The following SPIDR variants were observed in gnomAD, a reference collection of about 807,000 sequenced individuals.
SPIDR encodes DNA repair-scaffolding protein.
In SPIDR, 93 loss-of-function variants were observed where a neutral mutation model predicts 104.6. That is an observed-to-expected ratio of 0.89 (90% CI 0.75 to 1.06). The LOEUF is 1.06. SPIDR is among the 50% of genes least tolerant of loss of function. The pLI is 0.00. For missense variants in SPIDR, 1,154 were observed against 1,111.2 expected, an observed-to-expected ratio of 1.04 and a Z score of -0.55; for synonymous variants, 431 against 416.9, an observed-to-expected ratio of 1.03 and a Z score of -0.41.
intron 10 of SPIDR, among the ~76,000 whole-genome samples, chr8:47,661,854 G>A (rs544609128): frequency 1.3e-5 from 2 of 152,356 alleles, no homozygotes; most frequent in East Asian, 3.9e-4. Flanking sequence ...CTTGTCGATA[G>A]TGGCAGAGCT....
chr8:47,405,834 T>G (rs1554666955), intron 6 of SPIDR, among the ~76,000 whole-genome samples: 1 of 152,202 alleles, frequency 6.6e-6, no homozygotes. Flanking sequence ...GGATTGTTGA[T>G]TAGAGGACAT....
At chr8:47,300,002 A>G (rs1431126294) in intron 5 of SPIDR, among the ~76,000 whole-genome samples, 3 of 152,116 alleles carry the variant, frequency 2.0e-5, no homozygotes, top group Admixed American at 6.5e-5. Context: ...TTTTCTATTC[A>G]TTGGAATAGT....
chr8:47,544,029 C>G (rs529225498), intron 8 of SPIDR, among the ~76,000 whole-genome samples: 1 of 152,026 alleles, frequency 6.6e-6, no homozygotes, highest in East Asian at 1.9e-4. Flanking sequence ...TAACCAACCT[C>G]TTATCCTGTC....
At chr8:47,488,009 G>C (rs2077991350) in intron 8 of SPIDR, among the ~76,000 whole-genome samples, 1 of 152,054 alleles carries the variant, frequency 6.6e-6, no homozygotes, top group Non-Finnish European at 1.5e-5. Flanking sequence ...TAAGATCAGA[G>C]CAGAACTGAA....
At chr8:47,646,364 A>G (rs1329557387) in intron 10 of SPIDR, among the ~76,000 whole-genome samples, 2 of 152,038 alleles carry the variant, frequency 1.3e-5, no homozygotes, top group African/African-American at 2.4e-5. Context: ...GTATATACAG[A>G]TGTGTGTGTG....
intron 3 of SPIDR, among the ~76,000 whole-genome samples, chr8:47,286,224 C>T (rs923131345): frequency 2.6e-5 from 4 of 152,088 alleles, no homozygotes; most frequent in Admixed American, 6.5e-5. Context: ...TTGAGAGCTA[C>T]GCATAATGGT....
chr8:47,538,559 G>A (rs895804145), intron 8 of SPIDR, among the ~76,000 whole-genome samples: 2 of 151,888 alleles, frequency 1.3e-5, no homozygotes, highest in Non-Finnish European at 2.9e-5. Flanking sequence ...AAAGAACAAA[G>A]TAAGTAAATT....
intron 8 of SPIDR, among the ~76,000 whole-genome samples, chr8:47,461,797 G>A (rs1440131360): frequency 1.3e-5 from 2 of 151,638 alleles, no homozygotes; most frequent in African/African-American, 4.8e-5. Flanking sequence ...CTATTTCACT[G>A]AAGATTTCTC....
chr8:47,268,073 CTGTT>C (rs779989531), intron 1 of SPIDR, among the ~76,000 whole-genome samples: 9 of 152,280 alleles, frequency 5.9e-5, no homozygotes, highest in Non-Finnish European at 1.3e-4. Context: ...TGTTTCAACA[CTGTT>C]TGTTGAAAAA....
At chr8:47,720,592 A>G (rs2083253366) in intron 16 of SPIDR, among the ~76,000 whole-genome samples, 1 of 152,182 alleles carries the variant, frequency 6.6e-6, no homozygotes. Flanking sequence ...GCATCTTTTC[A>G]TATGGTTATT....
At chr8:47,600,949 A>G (rs145272382) in intron 10 of SPIDR, among the ~76,000 whole-genome samples, 338 of 152,338 alleles carry the variant, frequency 2.2e-3, no homozygotes, top group African/African-American at 7.8e-3. Flanking sequence ...ATCACAACCA[A>G]TGCACGTTAT....
chr8:47,655,545 A>G (rs1588883849), intron 10 of SPIDR, among the ~76,000 whole-genome samples: 2 of 152,240 alleles, frequency 1.3e-5, no homozygotes, highest in South Asian at 2.1e-4. Context: ...GTCTGTTCAT[A>G]TCCTTCGCCC....
At chr8:47,343,464 A>G (rs1554615273) in intron 5 of SPIDR, among the ~76,000 whole-genome samples, 2 of 152,236 alleles carry the variant, frequency 1.3e-5, no homozygotes, top group African/African-American at 4.8e-5. Context: ...GTCCAAGTTC[A>G]GTGAGACAGA....
intron 11 of SPIDR, among the ~76,000 whole-genome samples, chr8:47,676,949 G>A (rs904170289): frequency 3.3e-5 from 5 of 152,202 alleles, no homozygotes; most frequent in African/African-American, 7.2e-5. Flanking sequence ...TTTCTCTGAC[G>A]GACTAATTTT....
chr8:47,673,969 T>A (rs2076109464), intron 11 of SPIDR, 28 bp downstream of exon 11: 3 of 1,602,568 alleles, frequency 1.9e-6, no homozygotes, highest in Non-Finnish European at 1.7e-6. Flanking sequence ...TGGCATCCAA[T>A]TTGCTACAAT....
rs566004862 is a variant in SPIDR, at chr8:47,634,168, A to G, written c.1544+34972A>G. On this transcript the variant is annotated intron_variant, in intron 10 of 19. Transcript: ENST00000297423. The stretch of plus-strand genomic sequence containing the variant: ...CAATGCAACTTTGAAAAACAACGAA[A>G]AAAGGGCCGGGCATGGTGGCTCATG... 2.6e-5 allele frequency among the ~76,000 whole-genome samples: 4 copies of G among 151,746 alleles called. No individual in the cohort carries two copies. The South Asian group carries it at 6.3e-4, about 24-fold the overall frequency.
rs563142083 is a variant in SPIDR, at chr8:47,274,762, G to C, written c.34-5100G>C. 6.7e-4 allele frequency among the ~76,000 whole-genome samples: 102 copies of C among 151,592 alleles called. 1 individual carries two copies. The South Asian group carries it at 8.2e-3, about 12-fold the overall frequency. On this transcript the variant is annotated intron_variant, in intron 1 of 19. Coordinates refer to ENST00000297423, the MANE Select transcript of SPIDR (RefSeq NM_001080394.4). ...GGCTAATTTTTGTATTTTTAGTAGA[G>C]ACGGGTTTTCACCAGATTGGCCAGG...
At chr8:47,468,532 A>C (rs1238407794) in intron 8 of SPIDR, among the ~76,000 whole-genome samples, 1 of 152,156 alleles carries the variant, frequency 6.6e-6, no homozygotes, top group Non-Finnish European at 1.5e-5. Flanking sequence ...CAGAATAAAC[A>C]ACCCAAAAAT....
intron 14 of SPIDR, among the ~76,000 whole-genome samples, chr8:47,703,615 C>A (rs568764151): frequency 2.6e-5 from 4 of 152,258 alleles, no homozygotes; most frequent in Admixed American, 1.3e-4. Context: ...TTTACAGACA[C>A]CAAAATTTGA....
Sources: gnomAD v4.1 joint callset for allele counts (sites outside exome capture counted in the v4.1 genomes callset) on GRCh38, gnomAD v4.1.1 for gene constraint, MANE v1.5 for transcripts, NCBI Gene and HGNC (gene_info 2026-07-23, HGNC 2026-07-21) for gene names.